LRP1B: variants seen among roughly 807,000 people sequenced by gnomAD.
LRP1B encodes LDL receptor related protein 1B.
LRP1B carries 217 observed loss-of-function variants against 556.6 expected under a neutral mutation model. That is an observed-to-expected ratio of 0.39 (90% CI 0.35 to 0.44). The LOEUF (loss-of-function observed/expected upper bound fraction) is 0.44, where lower values mean the gene tolerates loss of function less well. LRP1B is among the 20% of genes least tolerant of loss of function. The pLI is 1.00. For synonymous variants in LRP1B, 2,047 were observed against 1,865.8 expected, an observed-to-expected ratio of 1.10 and a Z score of -2.50; for missense variants, 5,053 against 5,620.8, an observed-to-expected ratio of 0.90 and a Z score of 3.23.
chr2:141,385,158 T>C (rs1473824602), intron 3 of LRP1B, among the ~76,000 whole-genome samples: 1 of 152,172 alleles, frequency 6.6e-6, no homozygotes, highest in Non-Finnish European at 1.5e-5. Flanking sequence ...ATAAATGTTA[T>C]AGATGTTAAT....
At chr2:140,236,747 C>A (rs1194887148) in intron 89 of LRP1B, among the ~76,000 whole-genome samples, 2 of 150,858 alleles carry the variant, frequency 1.3e-5, no homozygotes, top group Non-Finnish European at 3.0e-5. Flanking sequence ...TCTGGCTCAT[C>A]ATTTAAACAT....
At chr2:141,710,627 G>A (rs1301968469) in intron 2 of LRP1B, among the ~76,000 whole-genome samples, 1 of 152,150 alleles carries the variant, frequency 6.6e-6, no homozygotes, top group Non-Finnish European at 1.5e-5. Context: ...CATAGAGGAA[G>A]TACTAATGAT....
intron 3 of LRP1B, among the ~76,000 whole-genome samples, chr2:141,311,311 C>G (rs1388641280): frequency 6.6e-6 from 1 of 152,150 alleles, no homozygotes; most frequent in African/African-American, 2.4e-5. Context: ...AACCTGAATT[C>G]TACACCTTCA....
At position 141,533,833 on chromosome 2, in the gene LRP1B, T is replaced by A. The variant is rs541054831; in HGVS notation, c.206-53300A>T. On this transcript the variant is annotated intron_variant, in intron 2 of 90. Transcript: ENST00000389484. ...TCCATGGTTGTTAATGGCATCCCTATCTTCACTTACCATTTGCCAAGTAAA... is the reference window on the plus strand; with the variant it reads ...TCCATGGTTGTTAATGGCATCCCTAACTTCACTTACCATTTGCCAAGTAAA... 7.2e-5 allele frequency among the ~76,000 whole-genome samples: 11 copies of A among 152,178 alleles called. No homozygotes were observed. In the South Asian group the frequency reaches 2.1e-3, roughly 29 times the overall value.
chr2:141,513,440 C>CTCT (rs140977139), intron 2 of LRP1B, among the ~76,000 whole-genome samples: 4,292 of 151,930 alleles, frequency 0.028, 204 homozygotes, highest in African/African-American at 0.098. Context: ...CTTGCTTAAA[C>CTCT]TCTTGTAAGA....
intron 2 of LRP1B, among the ~76,000 whole-genome samples, chr2:141,796,382 CATT>C (rs992572596): frequency 6.6e-6 from 1 of 151,886 alleles, no homozygotes; most frequent in Admixed American, 6.6e-5. Flanking sequence ...ATGAAGGTAT[CATT>C]AATATCTTGT....
intron 3 of LRP1B, among the ~76,000 whole-genome samples, chr2:141,427,488 CTTGAT>C (rs1161918970): frequency 3.9e-5 from 6 of 152,250 alleles, no homozygotes; most frequent in East Asian, 3.9e-4. Context: ...AAATTGCTGT[CTTGAT>C]TTAATTATCA....
rs78791070 is a variant in LRP1B, at chr2:140,488,316, A to G, written c.9121-577T>C. On this transcript the variant is annotated intron_variant, in intron 57 of 90. Transcript: ENST00000389484. ...CCTTGGCAATACAGTGTGATATTAGAATTTAAAAGTTACAACCTTGGGTGA... is the reference window on the plus strand; with the variant it reads ...CCTTGGCAATACAGTGTGATATTAGGATTTAAAAGTTACAACCTTGGGTGA... 5.0e-3 allele frequency among the ~76,000 whole-genome samples: 754 copies of G among 152,130 alleles called. 8 individuals carry two copies. Among genetic ancestry groups the G allele is most frequent in the African/African-American group, 0.015 (641 of 41,544 alleles).
chr2:141,279,310 A>G (rs569576218), intron 3 of LRP1B, among the ~76,000 whole-genome samples: 5 of 152,204 alleles, frequency 3.3e-5, no homozygotes, highest in South Asian at 2.1e-4. Context: ...AGGAGAATTC[A>G]TTTTAGAAAT....
chr2:141,896,344 A>G (rs1699452993), intron 1 of LRP1B, among the ~76,000 whole-genome samples: 1 of 152,196 alleles, frequency 6.6e-6, no homozygotes, highest in Admixed American at 6.5e-5. Flanking sequence ...ATAACAGATT[A>G]AATAAAAACA....
intron 41 of LRP1B, among the ~76,000 whole-genome samples, chr2:140,695,402 C>G (rs1008806930): frequency 6.6e-6 from 1 of 152,064 alleles, no homozygotes; most frequent in East Asian, 1.9e-4. Flanking sequence ...ATTGGCCTAA[C>G]AGTAGATGGC....
At chr2:141,205,843 T>A (rs1018032123) in intron 6 of LRP1B, among the ~76,000 whole-genome samples, 3 of 152,150 alleles carry the variant, frequency 2.0e-5, no homozygotes, top group Admixed American at 6.5e-5. Flanking sequence ...AAGAAAAAGA[T>A]CATTTATTTT....
chr2:141,458,595 G>A (rs1026086937), intron 3 of LRP1B, among the ~76,000 whole-genome samples: 11 of 151,912 alleles, frequency 7.2e-5, no homozygotes, highest in South Asian at 2.1e-4. Context: ...GCTGTTTTCC[G>A]TACTTATAAA....
intron 1 of LRP1B, among the ~76,000 whole-genome samples, chr2:142,008,103 C>A (rs1702852382): frequency 6.6e-6 from 1 of 152,124 alleles, no homozygotes; most frequent in Non-Finnish European, 1.5e-5. Flanking sequence ...AAGAAGGATT[C>A]ATTCATAACT....
At chr2:141,365,951 G>T (rs914265866) in intron 3 of LRP1B, among the ~76,000 whole-genome samples, 3 of 152,050 alleles carry the variant, frequency 2.0e-5, no homozygotes, top group African/African-American at 7.2e-5. Context: ...AGGATTACAG[G>T]CATGCGCCAC....
At chr2:140,700,966 C>T (rs1303339336) in intron 40 of LRP1B, among the ~76,000 whole-genome samples, 1 of 152,026 alleles carries the variant, frequency 6.6e-6, no homozygotes, top group African/African-American at 2.4e-5. Context: ...GAATTGATCT[C>T]ACCAGAAATA....
At chr2:141,545,900 G>T (rs1685532835) in intron 2 of LRP1B, among the ~76,000 whole-genome samples, 1 of 152,094 alleles carries the variant, frequency 6.6e-6, no homozygotes, top group African/African-American at 2.4e-5. Context: ...CTAGCACCTT[G>T]ATTTTAGACT....
intron 7 of LRP1B, among the ~76,000 whole-genome samples, chr2:141,070,129 G>C (rs112538376): frequency 6.6e-6 from 1 of 151,808 alleles, no homozygotes; most frequent in South Asian, 2.1e-4. Flanking sequence ...CAAAGGACAT[G>C]AACTCATCAT....
At chr2:141,128,530 C>T (rs1701271792) in intron 7 of LRP1B, among the ~76,000 whole-genome samples, 1 of 152,190 alleles carries the variant, frequency 6.6e-6, no homozygotes, top group Non-Finnish European at 1.5e-5. Context: ...TCTTCCAACG[C>T]ACCAAGTTTC....
Sources: gnomAD v4.1 joint callset for allele counts (sites outside exome capture counted in the v4.1 genomes callset) on GRCh38, gnomAD v4.1.1 for gene constraint, MANE v1.5 for transcripts, NCBI Gene and HGNC (gene_info 2026-07-23, HGNC 2026-07-21) for gene names.